Variants in CDH20 observed in about 807,000 individuals in gnomAD.
CDH20 encodes the protein cadherin-20.
Under a neutral mutation model 74.2 loss-of-function variants are expected in CDH20, and 29 were observed. The ratio of observed to expected loss-of-function variants is 0.39; its 90% confidence interval spans 0.29 to 0.53. The LOEUF is 0.53. CDH20 is among the 20% of genes least tolerant of loss of function. CDH20 has a pLI of 0.69. For missense variants in CDH20, 988 were observed against 1,048.3 expected (o/e 0.94, Z 0.79); for synonymous variants, 469 against 405.4 (o/e 1.16, Z -1.88).
In CDH20 at chr18:61,528,035, G is replaced by A; in HGVS notation, c.1086G>A (p.Met362Ile). ...AGGGAGCCAATCCTCACCTAGAGAT[G>A]CGTTTTCTGAACTTGGGCCCATTTC... ...KVEGANPHLE[M>I]RFLNLGPFQD... is the part of the protein sequence containing the mutation. Residue 362 changes from methionine to isoleucine, a missense_variant, in exon 7 of 12, where the codon ATG becomes ATA. By Grantham distance (10) the Met-to-Ile change is conservative. Coordinates refer to ENST00000262717, the MANE Select transcript of CDH20 (RefSeq NM_031891.4). 1.2e-6 allele frequency: 2 copies of A among 1,614,100 alleles called. No homozygotes were observed. The highest frequency in any genetic ancestry group is 1.7e-5 in the Admixed American group (1 of 60,012).
chr18:61,406,855 A>G (rs529721949), intron 1 of CDH20, among the ~76,000 whole-genome samples: 20 of 152,038 alleles, frequency 1.3e-4, no homozygotes, highest in Admixed American at 1.3e-4. Flanking sequence ...TTAAAAACAA[A>G]ATCTCCTCCC....
intron 1 of CDH20, among the ~76,000 whole-genome samples, chr18:61,460,500 T>C (rs1909728962): frequency 6.6e-6 from 1 of 152,128 alleles, no homozygotes; most frequent in African/African-American, 2.4e-5. Context: ...AGGGAGGCAA[T>C]AGCATAAACA....
intron 1 of CDH20, among the ~76,000 whole-genome samples, chr18:61,354,213 G>A (rs1360328616): frequency 6.6e-6 from 1 of 152,114 alleles, no homozygotes; most frequent in Admixed American, 6.6e-5. Context: ...AGTGAGTGCT[G>A]GTCTCGACAC....
At chr18:61,488,706 T>A (rs1205075470) in intron 1 of CDH20, among the ~76,000 whole-genome samples, 1 of 46,416 alleles carries the variant, frequency 2.2e-5, no homozygotes, top group Non-Finnish European at 4.3e-5. Flanking sequence ...ATTCTGGCAG[T>A]GGCTTTTTTT....
chr18:61,543,451 C>T (rs892066275), intron 9 of CDH20, among the ~76,000 whole-genome samples: 2 of 152,150 alleles, frequency 1.3e-5, no homozygotes, highest in Non-Finnish European at 2.9e-5. Context: ...CTTCTGTAAC[C>T]CCCTCAGCCT....
At chr18:61,390,430 T>C (rs76328598) in intron 1 of CDH20, among the ~76,000 whole-genome samples, 4,041 of 152,272 alleles carry the variant, frequency 0.027, 196 homozygotes, top group African/African-American at 0.093. Flanking sequence ...AAAATGTAAT[T>C]TAAGTCCTAC....
At chr18:61,508,851 G>A (rs1457632444) in intron 6 of CDH20, among the ~76,000 whole-genome samples, 1 of 152,182 alleles carries the variant, frequency 6.6e-6, no homozygotes, top group Non-Finnish European at 1.5e-5. Context: ...TACCCAGGCT[G>A]GTTGTGAACT....
intron 1 of CDH20, among the ~76,000 whole-genome samples, chr18:61,458,967 T>C (rs1909675711): frequency 6.6e-6 from 1 of 152,232 alleles, no homozygotes; most frequent in Non-Finnish European, 1.5e-5. Flanking sequence ...CACAGATCTA[T>C]TTCTGAACAG....
intron 5 of CDH20, among the ~76,000 whole-genome samples, chr18:61,503,600 A>C (rs527716556): frequency 6.6e-6 from 1 of 152,308 alleles, no homozygotes; most frequent in African/African-American, 2.4e-5. Context: ...GACGATCTTC[A>C]CCAATCACTC....
intron 1 of CDH20, among the ~76,000 whole-genome samples, chr18:61,379,134 G>T (rs1485929794): frequency 2.0e-5 from 3 of 152,078 alleles, no homozygotes; most frequent in Non-Finnish European, 4.4e-5. Context: ...ATATAAAAAT[G>T]ATAATGACTC....
At chr18:61,477,073 A>C (rs1910413558) in intron 1 of CDH20, among the ~76,000 whole-genome samples, 1 of 152,162 alleles carries the variant, frequency 6.6e-6, no homozygotes, top group East Asian at 1.9e-4. Context: ...GGGAATTAAA[A>C]AAAAACAGCC....
chr18:61,497,208 T>C (rs1294268618), intron 2 of CDH20, among the ~76,000 whole-genome samples: 1 of 151,898 alleles, frequency 6.6e-6, no homozygotes, highest in South Asian at 2.1e-4. Context: ...CCCACAACTA[T>C]TTTTTCGGTC....
chr18:61,464,315 TAAAAAA>T (rs35878314), intron 1 of CDH20, among the ~76,000 whole-genome samples: 1 of 146,916 alleles, frequency 6.8e-6, no homozygotes, highest in Non-Finnish European at 1.5e-5. Context: ...AGCAAGGTGT[TAAAAAA>T]AAAAAAGTTA....
At position 61,353,487 on chromosome 18, in the gene CDH20, G is replaced by C. The variant is rs1286783288; in HGVS notation, c.-153+19660G>C. On this transcript the variant is annotated intron_variant, in intron 1 of 11. Transcript: ENST00000262717. This position sits in a 1 kb window ranked among gnomAD's most constrained non-coding sequence, Gnocchi z 4.6. ...CAGTACTAATCATTTGTCTACTTGT[G>C]GTCCTCTTGTTTTTTCTAGAAGATG... Among the ~76,000 whole-genome samples, 1 of 152,108 alleles carries C rather than the reference G, an allele frequency of 6.6e-6. No homozygotes were observed.
At chr18:61,386,983 G>A (rs1271195056) in intron 1 of CDH20, among the ~76,000 whole-genome samples, 1 of 152,028 alleles carries the variant, frequency 6.6e-6, no homozygotes, top group African/African-American at 2.4e-5. Context: ...TTTTCTACAA[G>A]GAACTGTTAT....
At chr18:61,410,917 G>A (rs1429743162) in intron 1 of CDH20, among the ~76,000 whole-genome samples, 3 of 152,104 alleles carry the variant, frequency 2.0e-5, no homozygotes, top group Admixed American at 1.3e-4. Context: ...TGTATAAGGC[G>A]GGGCTGAGCG....
intron 6 of CDH20, among the ~76,000 whole-genome samples, chr18:61,513,515 G>T (rs1178863338): frequency 7.2e-6 from 1 of 138,480 alleles, no homozygotes; most frequent in African/African-American, 2.7e-5. Context: ...AGTTAATATT[G>T]TTATGTGTGA....
chr18:61,487,632 G>C (rs1484583497), intron 1 of CDH20, among the ~76,000 whole-genome samples: 1 of 152,178 alleles, frequency 6.6e-6, no homozygotes, highest in African/African-American at 2.4e-5. Flanking sequence ...CTTTGTACGT[G>C]TTCAGTGGAG....
chr18:61,486,606 T>C (rs990255976), intron 1 of CDH20, among the ~76,000 whole-genome samples: 1 of 143,342 alleles, frequency 7.0e-6, no homozygotes, highest in Non-Finnish European at 1.5e-5. Flanking sequence ...TCATGTTTCA[T>C]TGTACTATCT....
Sources: gnomAD v4.1 joint callset for allele counts (sites outside exome capture counted in the v4.1 genomes callset) on GRCh38, gnomAD v4.1.1 for gene constraint, Gnocchi (gnomAD v3.1) non-coding constraint, MANE v1.5 for transcripts, NCBI Gene and HGNC (gene_info 2026-07-23, HGNC 2026-07-21) for gene names.